ADSS2: variants seen among roughly 807,000 people sequenced by gnomAD.
ADSS2 encodes adenylosuccinate synthase 2.
A neutral mutation model predicts 60.0 loss-of-function variants in ADSS2; 30 were observed. The ratio of observed to expected loss-of-function variants is 0.50; its 90% confidence interval spans 0.37 to 0.68. The LOEUF is 0.68. Ranked by LOEUF, ADSS2 falls within the 30% of genes least tolerant of loss-of-function variation. ADSS2 has a pLI of 0.00. For synonymous variants in ADSS2, 187 were observed against 193.1 expected (o/e 0.97, Z 0.26); for missense variants, 373 against 554.8 (o/e 0.67, Z 3.29).
At chr1:244,422,990 G>C in intron 6 of ADSS2, 74 bp from the exon 7 acceptor site, 1 of 986,840 alleles carries the variant, frequency 1.0e-6, no homozygotes, top group Non-Finnish European at 1.5e-6. Flanking sequence ...TCATTCAAAT[G>C]GTTTCTGCAG....
intron 6 of ADSS2, among the ~76,000 whole-genome samples, 199 bp downstream of exon 6, chr1:244,423,754 G>A (rs1456223435): frequency 3.3e-5 from 5 of 151,858 alleles, no homozygotes; most frequent in East Asian, 1.9e-4. Context: ...TTAAATCACC[G>A]TCATGTTATA....
At chr1:244,440,613 G>C (rs1265515018) in intron 1 of ADSS2, among the ~76,000 whole-genome samples, 1 of 152,096 alleles carries the variant, frequency 6.6e-6, no homozygotes, top group Non-Finnish European at 1.5e-5. Context: ...CAGACACCAA[G>C]TGGCACAGAA....
chr1:244,427,630 G>A (rs369876354), intron 4 of ADSS2, among the ~76,000 whole-genome samples: 5 of 152,146 alleles, frequency 3.3e-5, no homozygotes, highest in African/African-American at 1.2e-4. Flanking sequence ...GATGGAAAGC[G>A]ATACACCATG....
At chr1:244,449,770 C>G (rs1180630584) in intron 1 of ADSS2, among the ~76,000 whole-genome samples, 1 of 152,116 alleles carries the variant, frequency 6.6e-6, no homozygotes, top group Non-Finnish European at 1.5e-5. Context: ...CCCAACAAGG[C>G]CCCTCATTTG....
intron 4 of ADSS2, among the ~76,000 whole-genome samples, chr1:244,425,606 T>A (rs1052928662): frequency 2.0e-5 from 3 of 152,178 alleles, no homozygotes; most frequent in Admixed American, 2.0e-4. Flanking sequence ...GTATGTACTC[T>A]TCTCTAATTC....
At position 244,451,525 on chromosome 1, in the gene ADSS2, C is replaced by G; in HGVS notation, c.183+110G>C. The G allele has an allele frequency of 4.2e-5, 49 of 1,169,132 alleles. No homozygotes were observed. The highest frequency in any genetic ancestry group is 5.0e-5 in the Non-Finnish European group (42 of 846,236). The allele number at this position is 1,169,132 out of a possible 1,614,324, so 72.4% of individuals were successfully genotyped here. A position where few individuals can be genotyped will look rare whatever the true frequency, so the allele number is the denominator to read the frequency against. On this transcript the variant is annotated intron_variant, in intron 1 of 12. Transcript: ENST00000366535. The surrounding 1 kb of genome is among the most constrained non-coding windows in gnomAD (Gnocchi z 6.6). Reference sequence around the variant, plus strand: ...AGGAGGAGAGAGCCTCAAGGTGACACCTCATTTTGGCCAGTGGATCCGGGT... The same window carrying G: ...AGGAGGAGAGAGCCTCAAGGTGACAGCTCATTTTGGCCAGTGGATCCGGGT...
At chr1:244,435,550 CTCT>C (rs201469519) in intron 3 of ADSS2, among the ~76,000 whole-genome samples, 5 of 137,730 alleles carry the variant, frequency 3.6e-5, no homozygotes, top group South Asian at 2.3e-4. Flanking sequence ...CATCCTCCTC[CTCT>C]ACCTCTGTCC....
chr1:244,433,003 A>G (rs1007780296), intron 3 of ADSS2, among the ~76,000 whole-genome samples: 3 of 152,078 alleles, frequency 2.0e-5, no homozygotes, highest in Non-Finnish European at 2.9e-5. Flanking sequence ...GTGGGAGGCC[A>G]AGGCAGGTGG....
chr1:244,416,377 G>A (rs1664533733), intron 10 of ADSS2, among the ~76,000 whole-genome samples: 1 of 152,112 alleles, frequency 6.6e-6, no homozygotes, highest in Non-Finnish European at 1.5e-5. Flanking sequence ...GAGTGTAGTG[G>A]CACAAACACG....
chr1:244,417,480 A>G lies in ADSS2; in HGVS notation c.1070+148T>C, dbSNP rs985899570. 31 of 917,566 alleles carry G rather than the reference A, an allele frequency of 3.4e-5. No homozygotes were observed. The African/African-American group carries it at 4.2e-4, about 12-fold the overall frequency. 56.8% of individuals were successfully genotyped at this position (917,566 alleles called of 1,614,324 possible). On this transcript the variant is annotated intron_variant, in intron 10 of 12. Transcript: ENST00000366535. ...TCTCTCCTTGTGTACCCTTCCCCCTATATCTTGGTCTACTTCTGCCTGGCA... is the reference window on the plus strand; with the variant it reads ...TCTCTCCTTGTGTACCCTTCCCCCTGTATCTTGGTCTACTTCTGCCTGGCA...
chr1:244,433,308 G>C (rs1664995259), intron 3 of ADSS2, among the ~76,000 whole-genome samples: 1 of 152,156 alleles, frequency 6.6e-6, no homozygotes, highest in African/African-American at 2.4e-5. Flanking sequence ...CTTCTGTATA[G>C]GAAACATCAT....
Position 244,451,504 on chromosome 1 carries a change from G to T in ADSS2, c.183+131C>A. ...CACGTAGCCGCAGCTCAGGACAGGA[G>T]GAGAGAGCCTCAAGGTGACACCTCA... On this transcript the variant is annotated intron_variant, in intron 1 of 12. Transcript: ENST00000366535. The surrounding 1 kb of genome is among the most constrained non-coding windows in gnomAD (Gnocchi z 6.6). 3 of 1,019,620 alleles carry T rather than the reference G, an allele frequency of 2.9e-6. No homozygotes were observed. Among genetic ancestry groups the T allele is most frequent in the Non-Finnish European group, 4.2e-6 (3 of 716,766 alleles). The allele number at this position is 1,019,620 out of a possible 1,614,324, so 63.2% of individuals were successfully genotyped here.
At chr1:244,449,183 T>C (rs1310352841) in intron 1 of ADSS2, among the ~76,000 whole-genome samples, 2 of 152,206 alleles carry the variant, frequency 1.3e-5, no homozygotes, top group African/African-American at 4.8e-5. Flanking sequence ...GCATCTATTG[T>C]TTCCAAAAAG....
intron 4 of ADSS2, among the ~76,000 whole-genome samples, chr1:244,428,903 A>G (rs931287752): frequency 6.6e-6 from 1 of 152,208 alleles, no homozygotes; most frequent in African/African-American, 2.4e-5. Context: ...TGGAATTCAT[A>G]AAAACTTCCT....
At position 244,411,302 on chromosome 1, in the gene ADSS2, C is replaced by T. The variant is rs767422346; in HGVS notation, c.1303G>A (p.Glu435Lys). The T allele has an allele frequency of 1.6e-5, 25 of 1,608,922 alleles. No individual in the cohort carries two copies. Among genetic ancestry groups the T allele is most frequent in the Non-Finnish European group, 2.0e-5 (24 of 1,178,834 alleles). ...TTATGTTTACCTGGAATTTGAAGCT[C>T]ATCTTCAATAAATCGAACATAGTTT... ...AQNYVRFIED[E>K]LQIPVKWIGV... Residue 435 changes from glutamate to lysine, a missense_variant, in exon 12 of 13, where the codon GAG (glutamate) becomes AAG (lysine). Physicochemically the swap from Glu to Lys is moderately conservative, Grantham distance 56 (BLOSUM62 1). This residue lies in a region of ADSS2 where 130 missense variants were observed against 169.4 expected (regional missense o/e 0.77). Coordinates refer to ENST00000366535, the MANE Select transcript of ADSS2 (RefSeq NM_001126.5).
intron 8 of ADSS2, 140 bp downstream of exon 8, chr1:244,420,030 A>G: frequency 2.4e-6 from 2 of 832,022 alleles, no homozygotes; most frequent in Non-Finnish European, 3.6e-6. Context: ...GAGTGCCACA[A>G]GATGACAAAT....
chr1:244,423,935 GA>G lies in ADSS2; in HGVS notation c.581+17del, dbSNP rs1664733384. The G allele has an allele frequency of 1.3e-6, 2 of 1,583,504 alleles. No individual in the cohort carries two copies. The highest frequency in any genetic ancestry group is 2.2e-5 in the East Asian group (1 of 44,508). The stretch of plus-strand genomic sequence containing the variant: ...AAAATGCATTCATTCCTTCCATTTT[GA>G]AACACAAGTTAGTTACCTCTCAGAG... On this transcript the variant is annotated intron_variant, in intron 6 of 12. Coordinates refer to ENST00000366535, the MANE Select transcript of ADSS2 (RefSeq NM_001126.5).
chr1:244,414,639 GAA>G (rs1223106042), intron 11 of ADSS2, among the ~76,000 whole-genome samples: 2 of 152,152 alleles, frequency 1.3e-5, no homozygotes, highest in African/African-American at 4.8e-5. Flanking sequence ...GTTTCCCTAG[GAA>G]AGACAACAAC....
At chr1:244,413,482 A>G (rs1362352457) in intron 11 of ADSS2, among the ~76,000 whole-genome samples, 3 of 152,180 alleles carry the variant, frequency 2.0e-5, no homozygotes, top group Non-Finnish European at 4.4e-5. Context: ...AAGCCACCCA[A>G]CTTTCTGCCT....
Sources: allele counts gnomAD v4.1 joint callset (sites outside exome capture counted in the v4.1 genomes callset), GRCh38; gene constraint gnomAD v4.1.1; regional missense constraint gnomAD v4.1.1; non-coding constraint Gnocchi (gnomAD v3.1); transcripts MANE v1.5; gene names NCBI Gene and HGNC (gene_info 2026-07-23, HGNC 2026-07-21).